Variants in SUPT20H observed in about 807,000 individuals in gnomAD.
SUPT20H encodes SPT20 homolog, SAGA complex component, also known as transcription factor SPT20 homolog.
A neutral mutation model predicts 122.8 loss-of-function variants in SUPT20H; 82 were observed. That is an observed-to-expected ratio of 0.67 (90% CI 0.56 to 0.80). The LOEUF is 0.80. Among genes scored for constraint, SUPT20H ranks in the 30% least tolerant of loss-of-function variants. The pLI is 0.00. For synonymous variants in SUPT20H, 291 were observed against 313.0 expected (o/e 0.93, Z 0.74); for missense variants, 831 against 921.6 (o/e 0.90, Z 1.27).
chr13:37,044,611 C>T (rs2066080370), intron 6 of SUPT20H, among the ~76,000 whole-genome samples: 1 of 152,156 alleles, frequency 6.6e-6, no homozygotes, highest in Admixed American at 6.5e-5. Flanking sequence ...AACACACACA[C>T]AAAATTCCAG....
chr13:37,017,392 C>G, intron 22 of SUPT20H, 28 bp from the exon 23 acceptor site: 1 of 1,582,186 alleles, frequency 6.3e-7, no homozygotes, highest in Non-Finnish European at 8.6e-7. Context: ...AAAAATTAAC[C>G]AATTTCACAT....
Position 37,019,336 on chromosome 13 carries a change from G to A in SUPT20H, c.1872+6C>T. ...AATTTAATCAAAAGCAGTATTTCAG[G>A]TTTACCTGGAGTAGATTTAAGGGCC... On this transcript the variant is annotated splice_donor_region_variant and intron_variant, in intron 22 of 25. Transcript: ENST00000350612. The A allele has an allele frequency of 6.3e-7, 1 of 1,590,192 alleles. No homozygotes were observed. The highest frequency in any genetic ancestry group is 8.5e-7 in the Non-Finnish European group (1 of 1,171,276).
intron 9 of SUPT20H, among the ~76,000 whole-genome samples, chr13:37,035,302 G>A (rs1342383009): frequency 6.6e-6 from 1 of 152,170 alleles, no homozygotes; most frequent in African/African-American, 2.4e-5. Flanking sequence ...ATGGGAGGAG[G>A]TCAAAATAGA....
intron 22 of SUPT20H, among the ~76,000 whole-genome samples, chr13:37,018,639 G>A (rs2060936903): frequency 6.6e-6 from 1 of 152,072 alleles, no homozygotes; most frequent in African/African-American, 2.4e-5. Flanking sequence ...CATAACACGA[G>A]GAATGTTGTA....
Position 37,028,406 on chromosome 13 carries a change from C to T in SUPT20H, c.994-101G>A, listed in dbSNP as rs535301944. 1.2e-4 allele frequency: 124 copies of T among 1,076,094 alleles called. No homozygotes were observed. In the East Asian group the frequency reaches 2.1e-3, roughly 19 times the overall value. 66.7% of individuals were successfully genotyped at this position (1,076,094 alleles called of 1,614,324 possible). The stretch of plus-strand genomic sequence containing the variant: ...AAATGATACAGTAACATGTATCTGA[C>T]GATAGGAAGACACACAGCACTTAGG... On this transcript the variant is annotated intron_variant, in intron 13 of 25. Coordinates refer to ENST00000350612, the MANE Select transcript of SUPT20H (RefSeq NM_001014286.3).
chr13:37,011,307 T>C (rs1326667224), intron 24 of SUPT20H, among the ~76,000 whole-genome samples: 2 of 152,190 alleles, frequency 1.3e-5, no homozygotes, highest in Non-Finnish European at 2.9e-5. Context: ...CACTAAATTA[T>C]ACTACAGCTA....
At chr13:37,059,416 C>G (rs1044225752) in intron 1 of SUPT20H, 143 bp downstream of exon 1, 17 of 152,348 alleles carry the variant, frequency 1.1e-4, no homozygotes, top group African/African-American at 3.1e-4. Flanking sequence ...ACCTCCGCCC[C>G]GGCCTGCCGG....
At chr13:37,047,668 TTTAA>T (rs1184693967) in intron 4 of SUPT20H, 67 bp from the exon 5 acceptor site, 14 of 1,288,796 alleles carry the variant, frequency 1.1e-5, no homozygotes, top group East Asian at 8.3e-5. Flanking sequence ...ATGAATGTTA[TTTAA>T]TTTTTTCCTA....
Position 37,044,150 on chromosome 13 carries a change from T to A in SUPT20H, c.324A>T (p.Glu108Asp). The A allele has an allele frequency of 6.2e-7, 1 of 1,613,012 alleles. No individual in the cohort carries two copies. Among genetic ancestry groups the A allele is most frequent in the South Asian group, 1.1e-5 (1 of 90,868 alleles). The change falls in exon 7 of 26, where the codon GAA becomes GAT. Residue 108 changes from glutamate to aspartate, a missense_variant. By Grantham distance (45) the Glu-to-Asp change is conservative. Coordinates refer to ENST00000350612, the MANE Select transcript of SUPT20H (RefSeq NM_001014286.3). ...DSETIRLPYE[E>D]GELLEYLDAE... ...CATCCAAATATTCAAGCAACTCTCC[T>A]TCTTCATAGGGCAGTCGAATGGTCT...
chr13:37,022,154 C>T lies in SUPT20H; in HGVS notation c.1592-74G>A, dbSNP rs1401071749. On this transcript the variant is annotated intron_variant, in intron 19 of 25. Coordinates refer to ENST00000350612, the MANE Select transcript of SUPT20H (RefSeq NM_001014286.3). The surrounding 1 kb of genome is among the most constrained non-coding windows in gnomAD (Gnocchi z 4.5). ...GCATTGCCTGGCTCAGAGACCTTTG[C>T]TGCTGAGCAAACTGAGTTAACAAAG... The T allele has an allele frequency of 6.2e-7, 1 of 1,613,768 alleles. No homozygotes were observed. Among genetic ancestry groups the T allele is most frequent in the Non-Finnish European group, 8.5e-7 (1 of 1,179,932 alleles).
At position 37,044,072 on chromosome 13, in the gene SUPT20H, T is replaced by C; in HGVS notation, c.396+6A>G. 1 of 1,602,708 alleles carries C rather than the reference T, an allele frequency of 6.2e-7. No individual in the cohort carries two copies. The highest frequency in any genetic ancestry group is 8.5e-7 in the Non-Finnish European group (1 of 1,173,252). On this transcript the variant is annotated splice_donor_region_variant and intron_variant, in intron 7 of 25. Transcript: ENST00000350612. ...TAAAGACATTTTAAAGACAAAAATT[T>C]TGTACCTGAGATTTTTCTAGGAGAT...
chr13:37,053,068 G>A (rs2068095914), intron 1 of SUPT20H, among the ~76,000 whole-genome samples: 1 of 152,238 alleles, frequency 6.6e-6, no homozygotes, highest in African/African-American at 2.4e-5. Flanking sequence ...TACACTGTTG[G>A]TGGTAGTGTA....
intron 21 of SUPT20H, among the ~76,000 whole-genome samples, chr13:37,021,098 G>A (rs2061403084): frequency 6.6e-6 from 1 of 152,174 alleles, no homozygotes; most frequent in Non-Finnish European, 1.5e-5. Context: ...GCTCTTAACT[G>A]CGATGCAGTT....
rs777295303 is a variant in SUPT20H, at chr13:37,031,584, T to C, written c.904A>G (p.Ile302Val). ...TGACTTACATCTACTTCAGAAGGTA[T>C]GGCCAAATTACAGGGACTCCGTTTC... is the stretch of plus-strand genomic sequence containing the variant. The part of the protein sequence containing the change: ...MWKRSPCNLA[I>V]PSEVDVEKYA... The change falls in exon 12 of 26, where the codon ATA (isoleucine) becomes GTA (valine). Residue 302 changes from isoleucine to valine, a missense_variant. By Grantham distance (29) the Ile-to-Val change is conservative. Transcript: ENST00000350612. The C allele has an allele frequency of 6.4e-7, 1 of 1,564,194 alleles. No homozygotes were observed. The highest frequency in any genetic ancestry group is 8.6e-7 in the Non-Finnish European group (1 of 1,164,160).
chr13:37,032,480 C>T (rs918865407), intron 10 of SUPT20H, among the ~76,000 whole-genome samples: 1 of 152,224 alleles, frequency 6.6e-6, no homozygotes, highest in Non-Finnish European at 1.5e-5. Context: ...CTGCCCCAAA[C>T]TTGGAGAAAC....
At chr13:37,011,936 G>A (rs2139018631) in intron 24 of SUPT20H, among the ~76,000 whole-genome samples, 1 of 152,198 alleles carries the variant, frequency 6.6e-6, no homozygotes, top group South Asian at 2.1e-4. Context: ...ACCTAGTAAA[G>A]TGGATAATTA....
intron 21 of SUPT20H, among the ~76,000 whole-genome samples, chr13:37,019,731 C>T (rs2061170431): frequency 1.3e-5 from 2 of 152,154 alleles, no homozygotes; most frequent in Non-Finnish European, 2.9e-5. Context: ...CACTGCTGTG[C>T]AAATACATTC....
intron 15 of SUPT20H, 59 bp downstream of exon 15, chr13:37,026,731 A>T: frequency 9.8e-7 from 1 of 1,023,030 alleles, no homozygotes; most frequent in Non-Finnish European, 1.4e-6. Context: ...AAGTCTTTTT[A>T]AAGAGTTTGA....
chr13:37,019,244 A>G (rs542200685), intron 22 of SUPT20H, 98 bp downstream of exon 22: 2 of 829,184 alleles, frequency 2.4e-6, no homozygotes, highest in South Asian at 2.0e-5. Flanking sequence ...ATCTAAACAG[A>G]CCTCAGAATT....
Sources: gnomAD v4.1 joint callset for allele counts (sites outside exome capture counted in the v4.1 genomes callset) on GRCh38, gnomAD v4.1.1 for gene constraint, Gnocchi (gnomAD v3.1) non-coding constraint, MANE v1.5 for transcripts, NCBI Gene and HGNC (gene_info 2026-07-23, HGNC 2026-07-21) for gene names.